ELOVL6: variants seen among roughly 807,000 people sequenced by gnomAD.
The protein encoded by ELOVL6 is ELOVL fatty acid elongase 6.
Under a neutral mutation model 31.7 loss-of-function variants are expected in ELOVL6, and 8 were observed. The observed-to-expected ratio is 0.25, with a 90% confidence interval of 0.15 to 0.45. The LOEUF (loss-of-function observed/expected upper bound fraction) is 0.45. Among genes scored for constraint, ELOVL6 ranks in the 20% least tolerant of loss-of-function variants. The probability of loss-of-function intolerance (pLI) is 1.00; values close to 1 mark genes in which losing one functional copy is unlikely to be tolerated. For synonymous variants in ELOVL6, 101 were observed against 117.7 expected, an observed-to-expected ratio of 0.86 and a Z score of 0.92; for missense variants, 126 against 326.4, an observed-to-expected ratio of 0.39 and a Z score of 4.73.
intron 1 of ELOVL6, among the ~76,000 whole-genome samples, chr4:110,115,637 T>C (rs1190570315): frequency 1.3e-5 from 2 of 152,310 alleles, no homozygotes; most frequent in African/African-American, 4.8e-5. Context: ...GGGGCTTTCA[T>C]ACTGCTCCTT....
chr4:110,185,126 G>C (rs554330932), intron 1 of ELOVL6, among the ~76,000 whole-genome samples: 1 of 152,198 alleles, frequency 6.6e-6, no homozygotes, highest in Non-Finnish European at 1.5e-5. Context: ...AAAGGATTTA[G>C]TGATTACAAA....
At chr4:110,172,110 A>G (rs1319590875) in intron 1 of ELOVL6, among the ~76,000 whole-genome samples, 1 of 152,148 alleles carries the variant, frequency 6.6e-6, no homozygotes, top group Non-Finnish European at 1.5e-5. Flanking sequence ...GAGGTCAGAA[A>G]TTCCAGAGAC....
intron 2 of ELOVL6, among the ~76,000 whole-genome samples, chr4:110,065,737 T>C (rs1442284566): frequency 1.3e-5 from 2 of 152,204 alleles, no homozygotes; most frequent in Non-Finnish European, 2.9e-5. Flanking sequence ...CTTCCACTTT[T>C]ATTTCCATCT....
At chr4:110,101,957 A>G (rs1336188835) in intron 2 of ELOVL6, among the ~76,000 whole-genome samples, 1 of 152,194 alleles carries the variant, frequency 6.6e-6, no homozygotes, top group East Asian at 1.9e-4. Context: ...GCCCCCCAAA[A>G]AGTAAAAAAT....
chr4:110,130,720 T>C (rs193218723), intron 1 of ELOVL6, among the ~76,000 whole-genome samples: 83 of 152,206 alleles, frequency 5.5e-4, no homozygotes, highest in Admixed American at 9.8e-4. Flanking sequence ...GCAAAACATA[T>C]CGTGTGGGCT....
chr4:110,047,607 G>A lies in ELOVL6; in HGVS notation c.*3731C>T, dbSNP rs1347898940. ...TACATCTGATTTAAAAAAACATTCT[G>A]GGCCAGGCACGGTGGCTCACGCCTA... is the stretch of plus-strand genomic sequence containing the variant. On this transcript the variant is annotated 3_prime_UTR_variant, in exon 4 of 4. Coordinates refer to ENST00000302274, the MANE Select transcript of ELOVL6 (RefSeq NM_024090.3). The A allele has an allele frequency of 6.6e-6, 1 of 152,134 alleles. No individual in the cohort carries two copies. Among genetic ancestry groups the A allele is most frequent in the East Asian group, 1.9e-4 (1 of 5,176 alleles). The allele number at this position is 152,134 out of a possible 1,614,324, so 9.4% of individuals were successfully genotyped here.
intron 1 of ELOVL6, among the ~76,000 whole-genome samples, chr4:110,110,923 G>A (rs1415093814): frequency 6.6e-6 from 1 of 152,142 alleles, no homozygotes; most frequent in Non-Finnish European, 1.5e-5. Context: ...TGAGTTGTAA[G>A]CACTTTACCT....
In ELOVL6 at chr4:110,108,162, C is replaced by G. The variant is rs569479508; in HGVS notation, c.90-2534G>C. The stretch of plus-strand genomic sequence containing the variant: ...GAGCCTGGGAAGCTTTCATCCAAAC[C>G]CTCTTTGCTTCTTTGAGAACAGAAA... On this transcript the variant is annotated intron_variant, in intron 1 of 3. Transcript: ENST00000302274. Among the ~76,000 whole-genome samples the G allele has an allele frequency of 7.9e-5, 12 of 152,234 alleles. No individual in the cohort carries two copies. The South Asian group carries it at 2.3e-3, about 29-fold the overall frequency.
At chr4:110,183,226 C>G (rs748802300) in intron 1 of ELOVL6, among the ~76,000 whole-genome samples, 1 of 152,158 alleles carries the variant, frequency 6.6e-6, no homozygotes, top group Non-Finnish European at 1.5e-5. Flanking sequence ...ACCACAACCC[C>G]TTATCTTAAC....
At position 110,050,984 on chromosome 4, in the gene ELOVL6, A is replaced by G. The variant is rs1468734962; in HGVS notation, c.*354T>C. ...TTCATCTTAGAGAAATGTGACACTT[A>G]GTAAATACATTTTTTCCTATGTGTT... On this transcript the variant is annotated 3_prime_UTR_variant, in exon 4 of 4. Transcript: ENST00000302274. 9.1e-6 allele frequency: 2 copies of G among 220,906 alleles called. No individual in the cohort carries two copies. Among genetic ancestry groups the G allele is most frequent in the Non-Finnish European group, 1.8e-5 (2 of 110,824 alleles). 13.7% of individuals were successfully genotyped at this position (220,906 alleles called of 1,614,324 possible). A position where few individuals can be genotyped will look rare whatever the true frequency, so the allele number is the denominator to read the frequency against.
chr4:110,177,112 C>T (rs1304668648), intron 1 of ELOVL6, among the ~76,000 whole-genome samples: 1 of 152,186 alleles, frequency 6.6e-6, no homozygotes, highest in African/African-American at 2.4e-5. Context: ...AAACACATCA[C>T]CAGGCCTGGC....
chr4:110,180,390 G>GTATGTATT (rs1553962845), intron 1 of ELOVL6, among the ~76,000 whole-genome samples: 1 of 151,546 alleles, frequency 6.6e-6, no homozygotes, highest in Non-Finnish European at 1.5e-5. Flanking sequence ...ATGTATGTAT[G>GTATGTATT]TATTTATAGG....
chr4:110,138,053 T>C (rs1440966215), intron 1 of ELOVL6, among the ~76,000 whole-genome samples: 1 of 152,226 alleles, frequency 6.6e-6, no homozygotes, highest in Non-Finnish European at 1.5e-5. Flanking sequence ...CTAAAGTCAT[T>C]ACAGAAATGC....
At chr4:110,119,496 G>C (rs11722022) in intron 1 of ELOVL6, among the ~76,000 whole-genome samples, 6,301 of 152,240 alleles carry the variant, frequency 0.041, 185 homozygotes, top group Non-Finnish European at 0.059. Context: ...AGCTAAACCA[G>C]TTCAACAGGA....
chr4:110,045,951 A>G lies in ELOVL6; in HGVS notation c.*5387T>C, dbSNP rs1754689501. On this transcript the variant is annotated 3_prime_UTR_variant, in exon 4 of 4. Transcript: ENST00000302274. ...TAAGCACTTGAAAATAACAACTTCA[A>G]CATTGCTGTGATTTGCTCTGTGAGG... 6.6e-6 allele frequency: 1 copy of G among 152,210 alleles called. No individual in the cohort carries two copies. The highest frequency in any genetic ancestry group is 6.5e-5 in the Admixed American group (1 of 15,274). 9.4% of individuals were successfully genotyped at this position (152,210 alleles called of 1,614,324 possible). A position where few individuals can be genotyped will look rare whatever the true frequency, so the allele number is the denominator to read the frequency against.
intron 1 of ELOVL6, among the ~76,000 whole-genome samples, chr4:110,171,310 G>A (rs1402371843): frequency 6.6e-6 from 1 of 152,086 alleles, no homozygotes; most frequent in Non-Finnish European, 1.5e-5. Context: ...TTGGGAGGCT[G>A]AGCCAGGAGA....
chr4:110,064,232 C>T (rs557702962), intron 2 of ELOVL6, among the ~76,000 whole-genome samples: 3 of 151,198 alleles, frequency 2.0e-5, no homozygotes, highest in South Asian at 2.1e-4. Flanking sequence ...CACAATGCAG[C>T]AAGGCGATGA....
At chr4:110,061,582 A>T (rs1268761644) in intron 2 of ELOVL6, among the ~76,000 whole-genome samples, 1 of 79,880 alleles carries the variant, frequency 1.3e-5, no homozygotes, top group African/African-American at 5.9e-5. Context: ...TTTGAGACAG[A>T]ATCTCGCTCT....
At chr4:110,140,626 ACT>A (rs1006980212) in intron 1 of ELOVL6, among the ~76,000 whole-genome samples, 2 of 151,962 alleles carry the variant, frequency 1.3e-5, no homozygotes, top group African/African-American at 4.8e-5. Context: ...AAGAGATAAT[ACT>A]TTTTATGAAT....
Sources: allele counts gnomAD v4.1 joint callset (sites outside exome capture counted in the v4.1 genomes callset), GRCh38; gene constraint gnomAD v4.1.1; transcripts MANE v1.5; gene names NCBI Gene and HGNC (gene_info 2026-07-23, HGNC 2026-07-21).